Variants in CSMD2 observed in about 807,000 individuals in gnomAD.
The protein encoded by CSMD2 is CUB and sushi domain-containing protein 2.
CSMD2 carries 130 observed loss-of-function variants against 398.5 expected under a neutral mutation model. That is an observed-to-expected ratio of 0.33 (90% confidence interval 0.28 to 0.38). The LOEUF (loss-of-function observed/expected upper bound fraction) is 0.38. CSMD2 is among the 10% of genes least tolerant of loss of function. CSMD2 has a pLI of 1.00. For missense variants in CSMD2, 3,829 were observed against 4,764.9 expected, an observed-to-expected ratio of 0.80 and a Z score of 5.78; for synonymous variants, 1,828 against 1,908.5, an observed-to-expected ratio of 0.96 and a Z score of 1.10.
intron 3 of CSMD2, among the ~76,000 whole-genome samples, chr1:33,999,375 T>G (rs1301547320): frequency 6.6e-6 from 1 of 152,090 alleles, no homozygotes; most frequent in Non-Finnish European, 1.5e-5. Context: ...AACTAGATAC[T>G]TTTTAAAAAT....
In CSMD2 at chr1:33,537,498, C is replaced by G; in HGVS notation, c.9743G>C (p.Gly3248Ala). 6.2e-7 allele frequency: 1 copy of G among 1,614,172 alleles called. No homozygotes were observed. The highest frequency in any genetic ancestry group is 8.5e-7 in the Non-Finnish European group (1 of 1,180,032). ...TGACTGGCAAAACCTGCGTGGAGAG[C>G]CCACCAGCACCAGAGGGGGATGGCA... ...FSCHPPLVLV[G>A]SPRRFCQSDG... The change falls in exon 61 of 71, where the codon GGC becomes GCC. Residue 3248 changes from glycine (G) to alanine (A), a missense_variant. Around this residue, in one of 5 missense-constraint regions of CSMD2, gnomAD observed 917 missense variants for 1,199.5 expected, o/e 0.76. Transcript: ENST00000373381. This position sits in a 1 kb window ranked among gnomAD's most constrained non-coding sequence, Gnocchi z 4.6.
At chr1:33,865,649 G>A (rs539739515) in intron 5 of CSMD2, among the ~76,000 whole-genome samples, 26 of 152,260 alleles carry the variant, frequency 1.7e-4, no homozygotes, top group South Asian at 1.7e-3. Flanking sequence ...GGGGGACACC[G>A]CAGTCCAGGG....
chr1:33,570,093 T>C (rs1389343975), intron 51 of CSMD2, among the ~76,000 whole-genome samples: 5 of 152,042 alleles, frequency 3.3e-5, no homozygotes, highest in Non-Finnish European at 5.9e-5. Context: ...CTGCCACATA[T>C]GTGGTTACAT....
rs1553161251 is a variant in CSMD2 at position 33,636,600 on chromosome 1, T to C, written c.4775-46A>G. 1 of 1,553,382 alleles carries C rather than the reference T, an allele frequency of 6.4e-7. No individual in the cohort carries two copies. Among genetic ancestry groups the C allele is most frequent in the South Asian group, 1.1e-5 (1 of 87,902 alleles). On this transcript the variant is annotated intron_variant, in intron 29 of 70. Transcript: ENST00000373381. This position sits in a 1 kb window ranked among gnomAD's most constrained non-coding sequence, Gnocchi z 4.8. Reference sequence around the variant, plus strand: ...CACGTGCACACACACAGAGGGCTCATGAGGAGGCTATTCTTGGGCTCCAGT... The same window carrying C: ...CACGTGCACACACACAGAGGGCTCACGAGGAGGCTATTCTTGGGCTCCAGT...
At chr1:33,586,361 C>T in intron 46 of CSMD2, 143 bp downstream of exon 46, 1 of 589,876 alleles carries the variant, frequency 1.7e-6, no homozygotes, top group Non-Finnish European at 3.2e-6. Flanking sequence ...CTTACTCATC[C>T]ATCAGACAAC....
intron 5 of CSMD2, among the ~76,000 whole-genome samples, chr1:33,865,004 G>A (rs1313799977): frequency 1.1e-5 from 1 of 95,102 alleles, no homozygotes; most frequent in East Asian, 3.5e-4. Context: ...GAAAGGGAGG[G>A]AAGGGCTGGC....
At position 34,164,916 on chromosome 1, in the gene CSMD2, G is replaced by C; in HGVS notation, c.182C>G (p.Ala61Gly). 2 of 1,219,726 alleles carry C rather than the reference G, an allele frequency of 1.6e-6. No homozygotes were observed. Among genetic ancestry groups the C allele is most frequent in the East Asian group, 6.5e-5 (2 of 30,740 alleles). 75.6% of individuals were successfully genotyped at this position (1,219,726 alleles called of 1,614,324 possible). ...CTCGGCGCGGCTGGACTCACCCGCG[G>C]CGGCCGAGACGCTGAGCAACCCACA... ...LGCGLLSVSAAAGQNCTFQLH... is the reference protein window; with the variant it reads ...LGCGLLSVSAGAGQNCTFQLH... Residue 61 changes from alanine to glycine, a missense_variant, in exon 1 of 71, where the codon GCC (alanine) becomes GGC (glycine). By Grantham distance (60) the Ala-to-Gly change is moderately conservative. This residue lies in a region of CSMD2 where 184 missense variants were observed against 217.7 expected (regional missense o/e 0.85). Coordinates refer to ENST00000373381, the MANE Select transcript of CSMD2 (RefSeq NM_001281956.2). This position sits in a 1 kb window ranked among gnomAD's most constrained non-coding sequence, Gnocchi z 6.2.
At chr1:33,787,019 G>A (rs139103825) in intron 12 of CSMD2, among the ~76,000 whole-genome samples, 2 of 152,312 alleles carry the variant, frequency 1.3e-5, no homozygotes, top group Admixed American at 1.3e-4. Context: ...GGAGTAGGGA[G>A]GGCCCTTAGT....
chr1:33,934,817 G>A (rs1205981794), intron 4 of CSMD2, among the ~76,000 whole-genome samples: 1 of 141,220 alleles, frequency 7.1e-6, no homozygotes, highest in Non-Finnish European at 1.5e-5. Context: ...GCAACATAGA[G>A]AGACTCTGTC....
intron 53 of CSMD2, among the ~76,000 whole-genome samples, chr1:33,560,866 T>C (rs989694666): frequency 6.6e-6 from 1 of 152,248 alleles, no homozygotes; most frequent in South Asian, 2.1e-4. Context: ...AAATATTTGC[T>C]GAGTGAATCA....
chr1:34,077,527 G>A lies in CSMD2; in HGVS notation c.404+11450C>T, dbSNP rs1366993562. 2.1e-5 allele frequency among the ~76,000 whole-genome samples: 3 copies of A among 145,602 alleles called. No individual in the cohort carries two copies. The South Asian group carries it at 6.6e-4, about 32-fold the overall frequency. On this transcript the variant is annotated intron_variant, in intron 2 of 70. Transcript: ENST00000373381. ...CGAGGCGGGCGAATCATGAGGTCAA[G>A]AGATCGAGACCATCCTGGCTAACAC...
At chr1:33,852,941 A>G (rs752254307) in intron 5 of CSMD2, among the ~76,000 whole-genome samples, 1 of 152,248 alleles carries the variant, frequency 6.6e-6, no homozygotes, top group Non-Finnish European at 1.5e-5. Context: ...TGCAAAGCCC[A>G]AAATATTTAT....
intron 44 of CSMD2, chr1:33,600,205 A>G: frequency 1.4e-6 from 1 of 715,246 alleles, no homozygotes; most frequent in Admixed American, 2.0e-5. Context: ...AGTAAAATCC[A>G]GCTTTCCTGA....
rs769450644 is a variant in CSMD2 at position 33,527,233 on chromosome 1, G to C, written c.10197C>G (p.Ile3399Met). ...CLEVRPSGRP[I>M]NTAREPPLTQ... The stretch of plus-strand genomic sequence containing the variant: ...TGAGCGGTGGCTCCCGGGCAGTGTT[G>C]ATGGGTCTCCCACTGGGCCGGACCT... Residue 3399 changes from isoleucine to methionine, a missense_variant, in exon 65 of 71, where the codon ATC becomes ATG. By Grantham distance (10) the Ile-to-Met change is conservative. Around this residue, in one of 5 missense-constraint regions of CSMD2, gnomAD observed 917 missense variants for 1,199.5 expected, o/e 0.76. Coordinates refer to ENST00000373381, the MANE Select transcript of CSMD2 (RefSeq NM_001281956.2). 2 of 1,614,092 alleles carry C rather than the reference G, an allele frequency of 1.2e-6. No individual in the cohort carries two copies. Among genetic ancestry groups the C allele is most frequent in the Admixed American group, 3.3e-5 (2 of 60,018 alleles).
At chr1:33,929,039 T>G (rs1171306066) in intron 4 of CSMD2, among the ~76,000 whole-genome samples, 1 of 152,200 alleles carries the variant, frequency 6.6e-6, no homozygotes, top group African/African-American at 2.4e-5. Context: ...TTGCTTCCCT[T>G]TAGGGCACAT....
At chr1:33,968,970 T>A (rs1645656154) in intron 3 of CSMD2, among the ~76,000 whole-genome samples, 1 of 152,230 alleles carries the variant, frequency 6.6e-6, no homozygotes. Flanking sequence ...ACCTTGTCAG[T>A]CACATGTCCC....
Position 33,739,152 on chromosome 1 carries a change from G to A in CSMD2, c.2356C>T (p.Leu786=), listed in dbSNP as rs375789933. The part of the protein sequence containing the change: ...EGSVVWNSAV[L]RCEAPCGGHL... ...TGCAGGCTCGTACCTTCACACCGCA[G>A]CACAGCGCTGTTCCAGACCACGCTG... The change falls in exon 15 of 71, where the codon CTG becomes TTG. Residue 786 remains leucine, a synonymous_variant. Transcript: ENST00000373381. The A allele has an allele frequency of 2.0e-5, 32 of 1,613,122 alleles. 1 individual carries two copies. The African/African-American group carries it at 3.9e-4, about 19-fold the overall frequency.
chr1:33,964,762 G>A (rs1418464491), intron 3 of CSMD2, among the ~76,000 whole-genome samples: 2 of 152,278 alleles, frequency 1.3e-5, no homozygotes, highest in South Asian at 2.1e-4. Flanking sequence ...GGGGTAGGGC[G>A]CTGCAGCACT....
intron 1 of CSMD2, among the ~76,000 whole-genome samples, chr1:34,128,480 C>A (rs879879829): frequency 6.6e-6 from 1 of 152,196 alleles, no homozygotes; most frequent in African/African-American, 2.4e-5. Flanking sequence ...CAAGCCAGCA[C>A]GTTGTCGAAG....
Sources: allele counts gnomAD v4.1 joint callset (sites outside exome capture counted in the v4.1 genomes callset), GRCh38; gene constraint gnomAD v4.1.1; regional missense constraint gnomAD v4.1.1; non-coding constraint Gnocchi (gnomAD v3.1); transcripts MANE v1.5; gene names NCBI Gene and HGNC (gene_info 2026-07-23, HGNC 2026-07-21).